CDC42BPA: variants seen among roughly 807,000 people sequenced by gnomAD.
The protein encoded by CDC42BPA is CDC42 binding protein kinase alpha.
Under a neutral mutation model 223.5 loss-of-function variants are expected in CDC42BPA, and 80 were observed. That is an observed-to-expected ratio of 0.36 (90% CI 0.30 to 0.43). CDC42BPA has a LOEUF of 0.43. CDC42BPA is among the 20% of genes least tolerant of loss of function. CDC42BPA has a pLI of 1.00. For synonymous variants in CDC42BPA, 694 were observed against 718.6 expected (o/e 0.97, Z 0.55); for missense variants, 1,743 against 2,099.9 (o/e 0.83, Z 3.32).
chr1:227,130,012 T>C (rs944878629), intron 10 of CDC42BPA, among the ~76,000 whole-genome samples: 2 of 152,164 alleles, frequency 1.3e-5, no homozygotes, highest in Admixed American at 1.3e-4. Flanking sequence ...TTAGTTAAAA[T>C]AGAAAATATT....
intron 1 of CDC42BPA, among the ~76,000 whole-genome samples, chr1:227,264,554 A>C (rs1684654031): frequency 6.6e-6 from 1 of 151,394 alleles, no homozygotes; most frequent in African/African-American, 2.5e-5. Flanking sequence ...TAGGAGAGTT[A>C]ATGATTTAGT....
At chr1:227,303,359 G>C (rs73098390) in intron 1 of CDC42BPA, among the ~76,000 whole-genome samples, 22,803 of 152,104 alleles carry the variant, frequency 0.15, 2,073 homozygotes, top group African/African-American at 0.24. Context: ...CCAGCATTCT[G>C]GGAGCAGAAG....
In CDC42BPA at chr1:227,304,205, C is replaced by T. The variant is rs149864844; in HGVS notation, c.178+12800G>A. On this transcript the variant is annotated intron_variant, in intron 1 of 36. Coordinates refer to ENST00000366766, the MANE Select transcript of CDC42BPA (RefSeq NM_001394014.1). ...GCGCATCACTTGAGGCCAGGAGTTC[C>T]AGGCCAGCCTGGTCAACATGGCGAT... Among the ~76,000 whole-genome samples the T allele has an allele frequency of 3.8e-3, 581 of 152,174 alleles. 3 individuals are homozygous for T. The highest frequency in any genetic ancestry group is 0.013 in the African/African-American group (559 of 41,516).
intron 10 of CDC42BPA, among the ~76,000 whole-genome samples, chr1:227,133,965 A>AAAAAATG (rs1553355380): frequency 3.2e-5 from 3 of 95,086 alleles, no homozygotes; most frequent in Non-Finnish European, 4.5e-5. Context: ...ATCAATAAAA[A>AAAAAATG]AATAAATGAA....
Position 227,016,975 on chromosome 1 carries a change from C to T in CDC42BPA, c.4691G>A (p.Arg1564Gln), listed in dbSNP as rs1488234667. Residue 1564 changes from arginine (R) to glutamine (Q), a missense_variant, in exon 33 of 37, where the codon CGG becomes CAG. By Grantham distance (43) the Arg-to-Gln change is conservative. This residue lies in a region of CDC42BPA where 44 missense variants were observed against 81.0 expected (regional missense o/e 0.54). Transcript: ENST00000366766. Reference protein sequence around the residue: ...KQMVRNINNKRRYSFRVPEEE... With the variant: ...KQMVRNINNKQRYSFRVPEEE... ...TTCTGGGACTCTGAAGGAATAACGC[C>T]GCTTATTGTTAATGTTTCTAACCAT... The T allele has an allele frequency of 3.7e-6, 6 of 1,613,024 alleles. No individual in the cohort carries two copies. Among genetic ancestry groups the T allele is most frequent in the African/African-American group, 2.7e-5 (2 of 74,868 alleles).
At chr1:226,997,306 C>T (rs886210078) in intron 35 of CDC42BPA, among the ~76,000 whole-genome samples, 1 of 151,954 alleles carries the variant, frequency 6.6e-6, no homozygotes, top group Non-Finnish European at 1.5e-5. Flanking sequence ...GGTGATCTCC[C>T]CTTTATCATT....
intron 2 of CDC42BPA, among the ~76,000 whole-genome samples, chr1:227,232,820 C>T (rs895079465): frequency 6.6e-6 from 1 of 152,172 alleles, no homozygotes; most frequent in African/African-American, 2.4e-5. Context: ...TCAGTCGGCC[C>T]CTACTGGGAG....
At chr1:227,297,981 C>CACAT (rs1412656758) in intron 1 of CDC42BPA, among the ~76,000 whole-genome samples, 4 of 139,400 alleles carry the variant, frequency 2.9e-5, no homozygotes, top group Non-Finnish European at 6.1e-5. Context: ...CACACACACA[C>CACAT]ATATATACAT....
intron 5 of CDC42BPA, among the ~76,000 whole-genome samples, chr1:227,162,918 GT>G (rs1360829975): frequency 6.6e-6 from 1 of 151,430 alleles, no homozygotes; most frequent in Non-Finnish European, 1.5e-5. Context: ...GTATATGTGT[GT>G]GTTTCCAAAC....
At position 227,010,322 on chromosome 1, in the gene CDC42BPA, T is replaced by C. The variant is rs542438803; in HGVS notation, c.4858-5211A>G. On this transcript the variant is annotated intron_variant, in intron 34 of 36. Transcript: ENST00000366766. ...TGCATTTCAGTAACTCAAAGATTAG[T>C]AAAATCTAACTTATTTTTGGAATTT... Among the ~76,000 whole-genome samples the C allele has an allele frequency of 6.6e-5, 10 of 152,362 alleles. No individual in the cohort carries two copies. The South Asian group carries it at 2.1e-3, about 32-fold the overall frequency.
In CDC42BPA at chr1:227,301,414, C is replaced by T. The variant is rs1176351140; in HGVS notation, c.178+15591G>A. Among the ~76,000 whole-genome samples, 43 of 150,040 alleles carry T rather than the reference C, an allele frequency of 2.9e-4. 1 individual carries two copies. Among genetic ancestry groups the T allele is most frequent in the Admixed American group, 2.8e-3 (42 of 15,052 alleles). On this transcript the variant is annotated intron_variant, in intron 1 of 36. Coordinates refer to ENST00000366766, the MANE Select transcript of CDC42BPA (RefSeq NM_001394014.1). Reference sequence around the variant, plus strand: ...CTCACTCTGTCGCCAAGCTAGAGTGCGGTGGCGCGATCTCGGCTTACTGCA... The same window carrying T: ...CTCACTCTGTCGCCAAGCTAGAGTGTGGTGGCGCGATCTCGGCTTACTGCA...
chr1:227,124,337 A>G (rs1018747558), intron 11 of CDC42BPA, among the ~76,000 whole-genome samples: 4 of 152,210 alleles, frequency 2.6e-5, no homozygotes, highest in African/African-American at 9.6e-5. Flanking sequence ...ATACACAAAG[A>G]CTTTGCTCAA....
chr1:227,065,364 C>T (rs1276715659), intron 21 of CDC42BPA, among the ~76,000 whole-genome samples: 1 of 152,140 alleles, frequency 6.6e-6, no homozygotes, highest in Non-Finnish European at 1.5e-5. Context: ...GCCCAAATGC[C>T]TACATTCCCC....
intron 16 of CDC42BPA, among the ~76,000 whole-genome samples, chr1:227,087,463 G>A (rs757196899): frequency 1.3e-5 from 2 of 152,170 alleles, no homozygotes; most frequent in African/African-American, 2.4e-5. Flanking sequence ...ATTACATAGT[G>A]TTAATCCTCC....
At chr1:227,147,135 C>T (rs761858915) in intron 7 of CDC42BPA, among the ~76,000 whole-genome samples, 2 of 152,008 alleles carry the variant, frequency 1.3e-5, no homozygotes, top group Non-Finnish European at 2.9e-5. Context: ...ACTGGGGAGA[C>T]CACTTAATTT....
intron 1 of CDC42BPA, among the ~76,000 whole-genome samples, chr1:227,297,967 T>TATATATATATACACACACACACACACAC (rs369403944): frequency 7.6e-6 from 1 of 132,074 alleles, no homozygotes; most frequent in African/African-American, 2.9e-5. Context: ...TATATACATA[T>TATATATATATACACACACACACACACAC]ACACACACAC....
intron 1 of CDC42BPA, among the ~76,000 whole-genome samples, chr1:227,315,955 C>CAAAAAAAAAAAA (rs71180728): frequency 9.0e-6 from 1 of 110,962 alleles, no homozygotes; most frequent in African/African-American, 3.7e-5. Flanking sequence ...ATTTCAAATC[C>CAAAAAAAAAAAA]AAAAAAAAAA....
At chr1:227,070,981 C>G (rs1351547005) in intron 20 of CDC42BPA, among the ~76,000 whole-genome samples, 1 of 151,806 alleles carries the variant, frequency 6.6e-6, no homozygotes, top group Admixed American at 6.6e-5. Flanking sequence ...AATTCTTTTT[C>G]TTTTCCTCAC....
chr1:227,017,163 T>C, intron 32 of CDC42BPA, 113 bp from the exon 33 acceptor site: 1 of 943,880 alleles, frequency 1.1e-6, no homozygotes, highest in Non-Finnish European at 1.5e-6. Flanking sequence ...CATGCAATTC[T>C]GGTTTTTAAA....
Sources: gnomAD v4.1 joint callset for allele counts (sites outside exome capture counted in the v4.1 genomes callset) on GRCh38, gnomAD v4.1.1 for gene constraint, gnomAD v4.1.1 regional missense constraint, MANE v1.5 for transcripts, NCBI Gene and HGNC (gene_info 2026-07-23, HGNC 2026-07-21) for gene names.